Variants in ADM observed in about 807,000 individuals in gnomAD.
ADM encodes the protein pro-adrenomedullin.
A neutral mutation model predicts 9.0 loss-of-function variants in ADM; 4 were observed. That is an observed-to-expected ratio of 0.44 (90% CI 0.22 to 1.02). The LOEUF (loss-of-function observed/expected upper bound fraction) is 1.02. ADM is among the 50% of genes least tolerant of loss of function. ADM has a pLI of 0.24. For synonymous variants in ADM, 107 were observed against 107.2 expected (o/e 1.00, Z 0.01); for missense variants, 253 against 254.1 (o/e 1.00, Z 0.03).
intron 1 of ADM, 64 bp downstream of exon 1, chr11:10,305,293 A>G (rs1237468876): frequency 5.2e-6 from 1 of 193,072 alleles, no homozygotes; most frequent in Non-Finnish European, 1.1e-5. Flanking sequence ...CAAGGCCCTA[A>G]ACTGGGAGCG....
At chr11:10,305,646 G>C in intron 1 of ADM, 34 bp from the exon 2 acceptor site, 1 of 1,578,942 alleles carries the variant, frequency 6.3e-7, no homozygotes, top group Non-Finnish European at 8.7e-7. Flanking sequence ...GCTGGCCCGG[G>C]TGCTCACGCT....
Position 10,306,480 on chromosome 11 carries a change from G to A in ADM, c.397G>A (p.Asp133Asn), listed in dbSNP as rs778770096. Residue 133 changes from aspartate to asparagine, a missense_variant, in exon 4 of 4, where the codon GAC becomes AAC. Coordinates refer to ENST00000278175, the MANE Select transcript of ADM (RefSeq NM_001124.3). ...CTACCAGTTCACAGATAAGGACAAGGACAACGTCGCCCCCAGGAGCAAGAT... is the reference window on the plus strand; with the variant it reads ...CTACCAGTTCACAGATAAGGACAAGAACAACGTCGCCCCCAGGAGCAAGAT... The part of the protein sequence containing the change: ...QIYQFTDKDK[D>N]NVAPRSKISP... 1.2e-5 allele frequency: 19 copies of A among 1,613,066 alleles called. No individual in the cohort carries two copies. The highest frequency in any genetic ancestry group is 2.5e-6 in the Non-Finnish European group (3 of 1,179,780).
rs749528088 is a variant in ADM at position 10,306,240 on chromosome 11, G to A, written c.249-92G>A. ...CGCGAGCAGTTTCCAGCTCCCTCTG[G>A]CTCTAGAATGGCTCCCGTTCCCGGT... On this transcript the variant is annotated intron_variant, in intron 3 of 3. Transcript: ENST00000278175. 2.6e-6 allele frequency: 4 copies of A among 1,547,472 alleles called. No homozygotes were observed. The Admixed American group carries it at 7.1e-5, about 28-fold the overall frequency.
rs746111731 is a variant in ADM at position 10,306,362 on chromosome 11, G to T, written c.279G>T (p.Lys93Asn). ...SSPDAARIRV[K>N]RYRQSMNNFQ... ...CGGATGCCGCCCGCATCCGAGTCAA[G>T]CGCTACCGCCAGAGCATGAACAACT... Residue 93 changes from lysine to asparagine, a missense_variant, in exon 4 of 4, where the codon AAG (lysine) becomes AAT (asparagine). Lys to Asn is a moderately conservative substitution (Grantham distance 94). Transcript: ENST00000278175. The T allele has an allele frequency of 1.3e-6, 2 of 1,594,866 alleles. No homozygotes were observed. Among genetic ancestry groups the T allele is most frequent in the Non-Finnish European group, 1.7e-6 (2 of 1,167,318 alleles).
chr11:10,306,756 CCT>C lies in ADM; in HGVS notation c.*116_*117del. 1.7e-6 allele frequency: 2 copies of C among 1,144,126 alleles called. No individual in the cohort carries two copies. Among genetic ancestry groups the C allele is most frequent in the Non-Finnish European group, 2.4e-6 (2 of 836,476 alleles). 70.9% of individuals were successfully genotyped at this position (1,144,126 alleles called of 1,614,324 possible). ...CGGGCTCTGACAGCCCTGCGGAGAC[CCT>C]GAGTCCGGGAGGCACCGTCCGGCGG... is the stretch of plus-strand genomic sequence containing the variant. On this transcript the variant is annotated 3_prime_UTR_variant, in exon 4 of 4. Coordinates refer to ENST00000278175, the MANE Select transcript of ADM (RefSeq NM_001124.3).
Position 10,306,560 on chromosome 11 carries a change from G to A in ADM, c.477G>A (p.Pro159=). 6.2e-7 allele frequency: 1 copy of A among 1,612,012 alleles called. No individual in the cohort carries two copies. The highest frequency in any genetic ancestry group is 8.5e-7 in the Non-Finnish European group (1 of 1,179,314). Residue 159 remains proline (P), a synonymous_variant, in exon 4 of 4, where the codon CCG becomes CCA. Transcript: ENST00000278175. ...GGCGCTCCCTGCCCGAGGCCGGCCC[G>A]GGTCGGACTCTGGTGTCTTCTAAGC... ...RRRRSLPEAG[P]GRTLVSSKPQ...
At chr11:10,305,823 C>T (rs1964649100) in intron 2 of ADM, 25 bp downstream of exon 2, 1 of 1,613,656 alleles carries the variant, frequency 6.2e-7, no homozygotes, top group Non-Finnish European at 8.5e-7. Flanking sequence ...CGCCTTCCCC[C>T]TTGCTGGTAC....
At chr11:10,305,872 C>G in intron 2 of ADM, 74 bp downstream of exon 2, 1 of 1,612,312 alleles carries the variant, frequency 6.2e-7, no homozygotes, top group Non-Finnish European at 8.5e-7. Context: ...TCCCGAAGGT[C>G]TAGAAGTGAA....
rs1964661144 is a variant in ADM at position 10,306,565 on chromosome 11, G to A, written c.482G>A (p.Arg161Gln). 1.2e-6 allele frequency: 2 copies of A among 1,611,772 alleles called. No individual in the cohort carries two copies. The highest frequency in any genetic ancestry group is 1.7e-5 in the Admixed American group (1 of 59,890). ...TCCCTGCCCGAGGCCGGCCCGGGTC[G>A]GACTCTGGTGTCTTCTAAGCCACAA... ...RRSLPEAGPG[R>Q]TLVSSKPQAH... Residue 161 changes from arginine to glutamine, a missense_variant, in exon 4 of 4, where the codon CGG (arginine) becomes CAG (glutamine). Physicochemically the swap from Arg to Gln is conservative, Grantham distance 43 (BLOSUM62 1). Transcript: ENST00000278175.
intron 1 of ADM, 182 bp from the exon 2 acceptor site, chr11:10,305,498 T>C: frequency 3.4e-6 from 2 of 586,898 alleles, no homozygotes; most frequent in South Asian, 4.1e-5. Context: ...GCGGGGCCTG[T>C]CACCCGGCCG....
At position 10,306,385 on chromosome 11, in the gene ADM, A is replaced by T; in HGVS notation, c.302A>T (p.Asn101Ile). 1.2e-6 allele frequency: 2 copies of T among 1,609,864 alleles called. No individual in the cohort carries two copies. Among genetic ancestry groups the T allele is most frequent in the Non-Finnish European group, 1.7e-6 (2 of 1,179,290 alleles). ...RVKRYRQSMN[N>I]FQGLRSFGCR... ...AAGCGCTACCGCCAGAGCATGAACA[A>T]CTTCCAGGGCCTCCGGAGCTTTGGC... Residue 101 changes from asparagine (N) to isoleucine (I), a missense_variant, in exon 4 of 4, where the codon AAC becomes ATC. Coordinates refer to ENST00000278175, the MANE Select transcript of ADM (RefSeq NM_001124.3).
At position 10,306,012 on chromosome 11, in the gene ADM, C is replaced by T. The variant is rs1964651292; in HGVS notation, c.162C>T (p.Thr54=). The T allele has an allele frequency of 3.1e-6, 5 of 1,614,066 alleles. No homozygotes were observed. Among genetic ancestry groups the T allele is most frequent in the Non-Finnish European group, 4.2e-6 (5 of 1,180,036 alleles). ...RELRMSSSYP[T]GLADVKAGPA... is the part of the protein sequence containing the mutation. ...TGCGGATGTCCAGCAGCTACCCCAC[C>T]GGGCTCGCTGACGTGAAGGCCGGGC... Residue 54 remains threonine (T), a synonymous_variant, in exon 3 of 4, where the codon ACC becomes ACT. Transcript: ENST00000278175.
intron 2 of ADM, 21 bp downstream of exon 2, chr11:10,305,819 C>G (rs1309690578): frequency 6.2e-7 from 1 of 1,613,610 alleles, no homozygotes; most frequent in Non-Finnish European, 8.5e-7. Context: ...GCAGCGCCTT[C>G]CCCCTTGCTG....
At chr11:10,306,195 C>T in intron 3 of ADM, 97 bp downstream of exon 3, 1 of 1,548,228 alleles carries the variant, frequency 6.5e-7, no homozygotes, top group Non-Finnish European at 8.7e-7. Context: ...ATCGTCGGGG[C>T]TGGACCGCAG....
In ADM at chr11:10,306,090, C is replaced by T. The variant is rs371567763; in HGVS notation, c.240C>T (p.Pro80=). The T allele has an allele frequency of 2.0e-5, 33 of 1,613,684 alleles. No homozygotes were observed. The East Asian group carries it at 7.4e-4, about 36-fold the overall frequency. The stretch of plus-strand genomic sequence containing the variant: ...ACATGAAGGGTGCCTCTCGAAGCCC[C>T]GAAGACAGGTAACTACGCCCTGTGC... ...PQDMKGASRS[P]EDSSPDAARI... The change falls in exon 3 of 4, where the codon CCC becomes CCT. Residue 80 remains proline (P), a synonymous_variant. Coordinates refer to ENST00000278175, the MANE Select transcript of ADM (RefSeq NM_001124.3).
rs1591388010 is a variant in ADM, at chr11:10,306,407, T to C, written c.324T>C (p.Phe108=). 1 of 1,593,284 alleles carries C rather than the reference T, an allele frequency of 6.3e-7. No homozygotes were observed. ...SMNNFQGLRS[F]GCRFGTCTVQ... ...ACAACTTCCAGGGCCTCCGGAGCTT[T>C]GGCTGCCGCTTCGGGACGTGCACGG... The change falls in exon 4 of 4, where the codon TTT becomes TTC. Residue 108 remains phenylalanine (F), a synonymous_variant. Coordinates refer to ENST00000278175, the MANE Select transcript of ADM (RefSeq NM_001124.3).
At position 10,305,904 on chromosome 11, in the gene ADM, G is replaced by A. The variant is rs747450983; in HGVS notation, c.99-45G>A. On this transcript the variant is annotated intron_variant, in intron 2 of 3. Coordinates refer to ENST00000278175, the MANE Select transcript of ADM (RefSeq NM_001124.3). ...TGAATGGGAGCAGGGACAGGCCTGGGCGTCACCTGAACGCACGCGAATCGG... is the reference window on the plus strand; with the variant it reads ...TGAATGGGAGCAGGGACAGGCCTGGACGTCACCTGAACGCACGCGAATCGG... The A allele has an allele frequency of 1.8e-5, 29 of 1,612,530 alleles. No homozygotes were observed. In the East Asian group the frequency reaches 6.2e-4, roughly 35 times the overall value.
Position 10,306,668 on chromosome 11 carries a change from T to G in ADM, c.*27T>G. ...ATTTAGGCGCCCATGGTACAAGGAATAGTCGCGCAAGCATCCCGCTGGTGC... is the reference window on the plus strand; with the variant it reads ...ATTTAGGCGCCCATGGTACAAGGAAGAGTCGCGCAAGCATCCCGCTGGTGC... On this transcript the variant is annotated 3_prime_UTR_variant, in exon 4 of 4. Coordinates refer to ENST00000278175, the MANE Select transcript of ADM (RefSeq NM_001124.3). The G allele has an allele frequency of 2.7e-6, 4 of 1,494,222 alleles. No individual in the cohort carries two copies. Among genetic ancestry groups the G allele is most frequent in the Non-Finnish European group, 2.7e-6 (3 of 1,121,234 alleles). 92.6% of individuals were successfully genotyped at this position (1,494,222 alleles called of 1,614,324 possible). A position where few individuals can be genotyped will look rare whatever the true frequency, so the allele number is the denominator to read the frequency against.
Position 10,305,964 on chromosome 11 carries a change from T to C in ADM, c.114T>C (p.Ala38=), listed in dbSNP as rs1232188953. 6.2e-7 allele frequency: 1 copy of C among 1,613,726 alleles called. No homozygotes were observed. Among genetic ancestry groups the C allele is most frequent in the African/African-American group, 1.3e-5 (1 of 74,876 alleles). Residue 38 remains alanine, a synonymous_variant, in exon 3 of 4, where the codon GCT becomes GCC. Transcript: ENST00000278175. ...TGTTTTCCAGGTGGAATAAGTGGGCTCTGAGTCGTGGGAAGAGGGAACTGC... is the reference window on the plus strand; with the variant it reads ...TGTTTTCCAGGTGGAATAAGTGGGCCCTGAGTCGTGGGAAGAGGGAACTGC... ...SEFRKKWNKW[A]LSRGKRELRM...
Sources: allele counts gnomAD v4.1 joint callset, GRCh38; gene constraint gnomAD v4.1.1; transcripts MANE v1.5; gene names NCBI Gene and HGNC (gene_info 2026-07-23, HGNC 2026-07-21).